Variants in ALDOB observed in about 807,000 individuals in gnomAD.
The protein encoded by ALDOB is fructose-bisphosphate aldolase B.
In ALDOB, 39 loss-of-function variants were observed where a neutral mutation model predicts 41.0. The ratio of observed to expected loss-of-function variants is 0.95; its 90% CI spans 0.74 to 1.24. ALDOB has a LOEUF of 1.24. ALDOB is among the 50% of genes most tolerant of loss of function. The pLI, the probability that ALDOB is intolerant of heterozygous loss-of-function variation, is 0.00. For synonymous variants in ALDOB, 175 were observed against 168.8 expected, an observed-to-expected ratio of 1.04 and a Z score of -0.28; for missense variants, 530 against 457.3, an observed-to-expected ratio of 1.16 and a Z score of -1.45.
At chr9:101,429,465 C>G (rs1416584548) in intron 3 of ALDOB, among the ~76,000 whole-genome samples, 6 of 152,120 alleles carry the variant, frequency 3.9e-5, no homozygotes, top group African/African-American at 1.4e-4. Flanking sequence ...AGCCTAGAAA[C>G]TTTTAGTCAT....
intron 2 of ALDOB, among the ~76,000 whole-genome samples, chr9:101,430,392 T>A (rs956260112): frequency 6.6e-6 from 1 of 152,212 alleles, no homozygotes; most frequent in African/African-American, 2.4e-5. Flanking sequence ...CTCCCATCCA[T>A]AAGCCCTGTC....
In ALDOB at chr9:101,427,548, A is replaced by G. The variant is rs1179941004; in HGVS notation, c.474T>C (p.Cys158=). Reference sequence around the variant, plus strand: ...TTTCCTGGATAGCGAGGCTGGATGGACACTGGTCGGCAATCCTCAGCACAG... The same window carrying G: ...TTTCCTGGATAGCGAGGCTGGATGGGCACTGGTCGGCAATCCTCAGCACAG... The part of the protein sequence containing the change: ...WRAVLRIADQ[C]PSSLAIQENA... The change falls in exon 5 of 9, where the codon TGT becomes TGC. Residue 158 remains cysteine, a synonymous_variant. Coordinates refer to ENST00000647789, the MANE Select transcript of ALDOB (RefSeq NM_000035.4). The G allele has an allele frequency of 6.2e-7, 1 of 1,614,194 alleles. No individual in the cohort carries two copies. Among genetic ancestry groups the G allele is most frequent in the Non-Finnish European group, 8.5e-7 (1 of 1,180,040 alleles).
intron 6 of ALDOB, among the ~76,000 whole-genome samples, chr9:101,425,903 T>C (rs1056991117): frequency 2.0e-5 from 3 of 152,176 alleles, no homozygotes; most frequent in Admixed American, 2.0e-4. Context: ...AGCCCTTCAT[T>C]CCTTTATTTC....
At chr9:101,424,653 A>G (rs1321502312) in intron 8 of ALDOB, among the ~76,000 whole-genome samples, 190 bp downstream of exon 8, 1 of 152,066 alleles carries the variant, frequency 6.6e-6, no homozygotes, top group African/African-American at 2.4e-5. Flanking sequence ...ACTATACTCT[A>G]GTGTGGATAA....
At chr9:101,427,220 A>G (rs1831143567) in intron 5 of ALDOB, among the ~76,000 whole-genome samples, 1 of 152,172 alleles carries the variant, frequency 6.6e-6, no homozygotes, top group African/African-American at 2.4e-5. Flanking sequence ...GATCACTTAT[A>G]AGACAGCTTA....
In ALDOB at chr9:101,430,769, C is replaced by A; in HGVS notation, c.112+7G>T. On this transcript the variant is annotated splice_region_variant and intron_variant, in intron 2 of 8. Coordinates refer to ENST00000647789, the MANE Select transcript of ALDOB (RefSeq NM_000035.4). ...TGTTATATGATGAGACTGCTTTTTACACTCACCTACAGATTCATCTGCAGC... is the reference window on the plus strand; with the variant it reads ...TGTTATATGATGAGACTGCTTTTTAAACTCACCTACAGATTCATCTGCAGC... 6.2e-7 allele frequency: 1 copy of A among 1,600,226 alleles called. No individual in the cohort carries two copies. Among genetic ancestry groups the A allele is most frequent in the Non-Finnish European group, 8.6e-7 (1 of 1,167,282 alleles).
At chr9:101,429,010 C>T (rs1831172971) in intron 3 of ALDOB, among the ~76,000 whole-genome samples, 2 of 152,136 alleles carry the variant, frequency 1.3e-5, no homozygotes, top group South Asian at 4.1e-4. Context: ...TACTAGTTTT[C>T]ACTTTTGAGA....
At chr9:101,421,976 A>T in intron 8 of ALDOB, 72 bp from the exon 9 acceptor site, 2 of 1,274,122 alleles carry the variant, frequency 1.6e-6, no homozygotes, top group Non-Finnish European at 2.3e-6. Context: ...TCTGCCTCTC[A>T]TGGGAAACCA....
chr9:101,428,323 A>G, intron 4 of ALDOB, 146 bp downstream of exon 4: 2 of 767,430 alleles, frequency 2.6e-6, no homozygotes, highest in Non-Finnish European at 4.7e-6. Context: ...CAGTTGTTAA[A>G]TGGAGGAGCT....
At chr9:101,425,123 A>G in intron 7 of ALDOB, 81 bp from the exon 8 acceptor site, 1 of 1,460,428 alleles carries the variant, frequency 6.8e-7, no homozygotes, top group East Asian at 2.3e-5. Flanking sequence ...AACCTACCAG[A>G]AAAGTAATGT....
Position 101,421,470 on chromosome 9 carries a change from A to C in ALDOB, c.*339T>G, listed in dbSNP as rs990856931. 1 of 384,476 alleles carries C rather than the reference A, an allele frequency of 2.6e-6. No homozygotes were observed. The highest frequency in any genetic ancestry group is 2.1e-5 in the African/African-American group (1 of 47,920). The allele number at this position is 384,476 out of a possible 1,614,324, so 23.8% of individuals were successfully genotyped here. A position where few individuals can be genotyped will look rare whatever the true frequency, so the allele number is the denominator to read the frequency against. ...ACTGTTTCATAAGATGCACTTCTCT[A>C]CACTCAGCTAATGAGGTGTTTCAAT... On this transcript the variant is annotated 3_prime_UTR_variant, in exon 9 of 9. Coordinates refer to ENST00000647789, the MANE Select transcript of ALDOB (RefSeq NM_000035.4).
chr9:101,423,338 G>A (rs148877807), intron 8 of ALDOB, among the ~76,000 whole-genome samples: 81 of 152,144 alleles, frequency 5.3e-4, no homozygotes, highest in Non-Finnish European at 9.6e-4. Context: ...CTTCTACCCC[G>A]CTATTTTGCG....
At chr9:101,432,620 C>T (rs1487390284) in intron 1 of ALDOB, among the ~76,000 whole-genome samples, 1 of 152,202 alleles carries the variant, frequency 6.6e-6, no homozygotes, top group Admixed American at 6.5e-5. Context: ...AAGCACTCTG[C>T]TAATGGCTTT....
In ALDOB at chr9:101,421,576, A is replaced by G; in HGVS notation, c.*233T>C. On this transcript the variant is annotated 3_prime_UTR_variant, in exon 9 of 9. Transcript: ENST00000647789. ...TGGGTGGGTATTCTGGAGCATGGGG[A>G]GCTGAAAGTGTTGCAAGGAAACTGC... The G allele has an allele frequency of 1.7e-6, 1 of 580,426 alleles. No individual in the cohort carries two copies. 36.0% of individuals were successfully genotyped at this position (580,426 alleles called of 1,614,324 possible).
Position 101,426,555 on chromosome 9 carries a change from C to T in ALDOB, c.624G>A (p.Lys208=), listed in dbSNP as rs777128205. The change falls in exon 6 of 9, where the codon AAG becomes AAA. Residue 208 remains lysine, a splice_region_variant and synonymous_variant. Transcript: ENST00000647789. The part of the protein sequence containing the change: ...DLEHCQYVTE[K]VLAAVYKALN... ...TGGGGCCTTCATATTTAAAACTTAC[C>T]TTCTCAGTAACATACTGGCAGTGTT... The T allele has an allele frequency of 2.5e-5, 40 of 1,605,224 alleles. No homozygotes were observed. The South Asian group carries it at 4.2e-4, about 17-fold the overall frequency.
At position 101,422,029 on chromosome 9, in the gene ALDOB, G is replaced by A. The variant is rs921655210; in HGVS notation, c.1000-125C>T. ...ATTTTCTTCTTTTTACAGCAATGTTGCTGAATATTGCTGGGGATACCATCC... is the reference window on the plus strand; with the variant it reads ...ATTTTCTTCTTTTTACAGCAATGTTACTGAATATTGCTGGGGATACCATCC... On this transcript the variant is annotated intron_variant, in intron 8 of 8. Transcript: ENST00000647789. 8.2e-5 allele frequency: 63 copies of A among 767,974 alleles called. 1 individual carries two copies. In the South Asian group the frequency reaches 9.3e-4, roughly 11 times the overall value. 47.6% of individuals were successfully genotyped at this position (767,974 alleles called of 1,614,324 possible).
intron 1 of ALDOB, 148 bp from the exon 2 acceptor site, chr9:101,431,045 G>T: frequency 1.4e-6 from 1 of 691,092 alleles, no homozygotes; most frequent in South Asian, 1.5e-5. Flanking sequence ...AATGAGGTTT[G>T]TTTTTCCCCC....
At chr9:101,431,472 C>G (rs1406399564) in intron 1 of ALDOB, among the ~76,000 whole-genome samples, 2 of 152,232 alleles carry the variant, frequency 1.3e-5, no homozygotes, top group Non-Finnish European at 2.9e-5. Flanking sequence ...TTATATTCAA[C>G]CCTCTATGAA....
rs1424970232 is a variant in ALDOB at position 101,424,830 on chromosome 9, G to A, written c.999+13C>T. On this transcript the variant is annotated intron_variant, in intron 8 of 8. Transcript: ENST00000647789. ...GAACATCATCAAGTAGATAAGAGGT[G>A]GCAGCATCTTACCATGGCCCGCTTC... The A allele has an allele frequency of 6.2e-7, 1 of 1,612,212 alleles. No homozygotes were observed. The highest frequency in any genetic ancestry group is 8.5e-7 in the Non-Finnish European group (1 of 1,179,808).
Sources: allele counts gnomAD v4.1 joint callset (sites outside exome capture counted in the v4.1 genomes callset), GRCh38; gene constraint gnomAD v4.1.1; transcripts MANE v1.5; gene names NCBI Gene and HGNC (gene_info 2026-07-23, HGNC 2026-07-21).